Variants in GNA12 observed in about 807,000 individuals in gnomAD.
GNA12 encodes the protein guanine nucleotide-binding protein subunit alpha-12.
Under a neutral mutation model 26.0 loss-of-function variants are expected in GNA12, and 9 were observed. The observed-to-expected ratio is 0.35, with a 90% CI of 0.21 to 0.60. The LOEUF is 0.60. GNA12 is among the 20% of genes least tolerant of loss of function. The pLI is 0.78. For missense variants in GNA12, 405 were observed against 525.8 expected, an observed-to-expected ratio of 0.77 and a Z score of 2.25; for synonymous variants, 264 against 219.6, an observed-to-expected ratio of 1.20 and a Z score of -1.79.
chr7:2,814,371 C>T, intron 1 of GNA12: 1 of 1,599,446 alleles, frequency 6.3e-7, no homozygotes, highest in South Asian at 1.1e-5. Context: ...CGGTTTCCAT[C>T]TGGTGTGCTT....
chr7:2,747,559 A>G (rs1417434581), intron 2 of GNA12, among the ~76,000 whole-genome samples: 1 of 152,194 alleles, frequency 6.6e-6, no homozygotes, highest in South Asian at 2.1e-4. Flanking sequence ...CCCACAGCCA[A>G]TATCATACTG....
intron 2 of GNA12, among the ~76,000 whole-genome samples, chr7:2,790,766 T>C (rs1792497218): frequency 6.6e-6 from 1 of 152,144 alleles, no homozygotes; most frequent in Admixed American, 6.5e-5. Flanking sequence ...CCCAGGAGTT[T>C]GAGACTAGCC....
intron 2 of GNA12, among the ~76,000 whole-genome samples, chr7:2,742,837 T>C (rs756778574): frequency 6.6e-6 from 1 of 152,248 alleles, no homozygotes; most frequent in Non-Finnish European, 1.5e-5. Context: ...TAATCCTTTG[T>C]TGCTAGTGAA....
chr7:2,822,895 GTC>G (rs1438705198), intron 1 of GNA12, among the ~76,000 whole-genome samples: 4 of 152,162 alleles, frequency 2.6e-5, no homozygotes, highest in African/African-American at 9.7e-5. Flanking sequence ...CCCTAAGAGA[GTC>G]TGCTCAGCCC....
At chr7:2,764,275 A>AT (rs1263078314) in intron 2 of GNA12, among the ~76,000 whole-genome samples, 1 of 145,346 alleles carries the variant, frequency 6.9e-6, no homozygotes, top group African/African-American at 2.6e-5. Context: ...TAAAGATGGG[A>AT]TCTCACTATG....
intron 1 of GNA12, among the ~76,000 whole-genome samples, chr7:2,837,259 C>G (rs561522923): frequency 2.0e-5 from 3 of 152,274 alleles, no homozygotes; most frequent in Admixed American, 6.5e-5. Context: ...TTTGCTACCC[C>G]CTCCCATTCC....
At chr7:2,788,153 A>AG (rs11444111) in intron 2 of GNA12, among the ~76,000 whole-genome samples, 2 of 82,496 alleles carry the variant, frequency 2.4e-5, no homozygotes, top group Non-Finnish European at 6.4e-5. Context: ...GACTGTCTCC[A>AG]AAAAAAAAAA....
intron 2 of GNA12, among the ~76,000 whole-genome samples, chr7:2,780,716 T>C (rs976546685): frequency 6.6e-6 from 1 of 152,232 alleles, no homozygotes; most frequent in African/African-American, 2.4e-5. Context: ...ATTGATCATA[T>C]TGCTGAGAGC....
intron 2 of GNA12, among the ~76,000 whole-genome samples, chr7:2,788,850 C>G (rs1411771700): frequency 3.3e-5 from 5 of 152,110 alleles, no homozygotes; most frequent in Non-Finnish European, 7.4e-5. Flanking sequence ...TCTTGTTGCA[C>G]ACACACGTTG....
chr7:2,827,479 G>T (rs1012010588), intron 1 of GNA12, among the ~76,000 whole-genome samples: 1 of 152,176 alleles, frequency 6.6e-6, no homozygotes, highest in South Asian at 2.1e-4. Flanking sequence ...CTGTGATGTC[G>T]CGTGAGAATT....
At chr7:2,838,142 A>G (rs965920301) in intron 1 of GNA12, among the ~76,000 whole-genome samples, 8 of 145,206 alleles carry the variant, frequency 5.5e-5, no homozygotes, top group Middle Eastern at 3.3e-3. Flanking sequence ...CATTATACTT[A>G]AAAAAAAAAA....
chr7:2,821,862 C>T (rs1199327411), intron 1 of GNA12, among the ~76,000 whole-genome samples: 1 of 152,198 alleles, frequency 6.6e-6, no homozygotes, highest in Non-Finnish European at 1.5e-5. Context: ...ATTTGGCTTT[C>T]AAGTTCCCTA....
At chr7:2,739,368 G>C (rs1002030581) in intron 2 of GNA12, among the ~76,000 whole-genome samples, 2 of 152,148 alleles carry the variant, frequency 1.3e-5, no homozygotes, top group African/African-American at 4.8e-5. Context: ...TCATTGGAGC[G>C]CATTCACACA....
At chr7:2,835,697 T>G in intron 1 of GNA12, 1 of 1,054,668 alleles carries the variant, frequency 9.5e-7, no homozygotes, top group Non-Finnish European at 1.5e-6. Context: ...ATAAACAAAT[T>G]TGCATGGAAT....
chr7:2,732,542 T>C (rs772791544), intron 3 of GNA12, among the ~76,000 whole-genome samples: 4 of 152,004 alleles, frequency 2.6e-5, no homozygotes, highest in Non-Finnish European at 5.9e-5. Context: ...TGAGACCCTG[T>C]CTCAAAAAAT....
chr7:2,801,282 CA>C (rs1481132242), intron 1 of GNA12, among the ~76,000 whole-genome samples: 2 of 152,210 alleles, frequency 1.3e-5, no homozygotes, highest in African/African-American at 4.8e-5. Flanking sequence ...TTTAGCTTCA[CA>C]AGGAGTACAA....
chr7:2,758,923 C>G (rs1791426447), intron 2 of GNA12, among the ~76,000 whole-genome samples: 1 of 152,040 alleles, frequency 6.6e-6, no homozygotes, highest in African/African-American at 2.4e-5. Context: ...GGTGGATCAC[C>G]TGAGGTCAGG....
rs117114310 is a variant in GNA12 at position 2,796,178 on chromosome 7, C to T, written c.310-1035G>A. ...ACTATAGTAGCCTCCACCCCTTATC[C>T]GTGGCATAAGTTCCAAGACCCTCAG... On this transcript the variant is annotated intron_variant, in intron 1 of 3. Transcript: ENST00000275364. Among the ~76,000 whole-genome samples, 20 of 152,240 alleles carry T rather than the reference C, an allele frequency of 1.3e-4. No homozygotes were observed. The East Asian group carries it at 1.7e-3, about 13-fold the overall frequency.
intron 2 of GNA12, among the ~76,000 whole-genome samples, chr7:2,757,013 G>A (rs1791330230): frequency 6.6e-6 from 1 of 152,130 alleles, no homozygotes; most frequent in Non-Finnish European, 1.5e-5. Context: ...GTTCGAGGCT[G>A]CAGTGAACCG....
Sources: allele counts gnomAD v4.1 joint callset (sites outside exome capture counted in the v4.1 genomes callset), GRCh38; gene constraint gnomAD v4.1.1; transcripts MANE v1.5; gene names NCBI Gene and HGNC (gene_info 2026-07-23, HGNC 2026-07-21).